Variants in ADCK5 observed in about 807,000 individuals in gnomAD.
ADCK5 encodes the protein uncharacterized aarF domain-containing protein kinase 5.
In ADCK5, 43 loss-of-function variants were observed where a neutral mutation model predicts 64.9. The ratio of observed to expected loss-of-function variants is 0.66; its 90% CI spans 0.52 to 0.85. ADCK5 has a LOEUF of 0.85. Among genes scored for constraint, ADCK5 ranks in the 40% least tolerant of loss-of-function variants. The probability of loss-of-function intolerance (pLI) is 0.00; values close to 1 mark genes in which losing one functional copy is unlikely to be tolerated. For missense variants in ADCK5, 760 were observed against 810.5 expected (o/e 0.94, Z 0.76); for synonymous variants, 434 against 342.8 (o/e 1.27, Z -2.94).
At chr8:144,390,094 G>A (rs902259413) in intron 3 of ADCK5, among the ~76,000 whole-genome samples, 39 of 152,054 alleles carry the variant, frequency 2.6e-4, no homozygotes, top group African/African-American at 9.4e-4. Flanking sequence ...GCCTCCCAAA[G>A]TGCTGGGATT....
intron 2 of ADCK5, among the ~76,000 whole-genome samples, chr8:144,380,203 C>A (rs1168093358): frequency 3.3e-5 from 5 of 152,168 alleles, no homozygotes; most frequent in African/African-American, 1.2e-4. Flanking sequence ...CAGATGTGTG[C>A]TCAGGCACCT....
At chr8:144,375,376 G>A in intron 1 of ADCK5, 1 of 856,866 alleles carries the variant, frequency 1.2e-6, no homozygotes, top group African/African-American at 1.8e-5. Context: ...CTAACTTTGG[G>A]GACAATTATG....
chr8:144,377,784 C>T (rs142929071), intron 1 of ADCK5, among the ~76,000 whole-genome samples: 4 of 152,328 alleles, frequency 2.6e-5, no homozygotes, highest in Non-Finnish European at 4.4e-5. Flanking sequence ...CAGTGACCTA[C>T]GTAGGCCACT....
At chr8:144,389,568 T>C (rs1820108998) in intron 3 of ADCK5, among the ~76,000 whole-genome samples, 1 of 152,214 alleles carries the variant, frequency 6.6e-6, no homozygotes, top group Non-Finnish European at 1.5e-5. Context: ...GGAGTCTCGC[T>C]CTGTCGCCAG....
At chr8:144,390,620 C>T (rs1554860173) in intron 3 of ADCK5, 51 bp from the exon 4 acceptor site, 1 of 1,574,808 alleles carries the variant, frequency 6.3e-7, no homozygotes, top group South Asian at 1.1e-5. Context: ...GGACCAAGCA[C>T]CGGGGCCCCG....
intron 1 of ADCK5, 111 bp downstream of exon 1, chr8:144,374,218 C>T: frequency 1.9e-6 from 2 of 1,054,784 alleles, no homozygotes; most frequent in Non-Finnish European, 2.4e-6. Context: ...CTTTTTCCCT[C>T]TTTTTTTTTG....
At chr8:144,389,193 C>A (rs782306124) in intron 3 of ADCK5, 32 of 450,712 alleles carry the variant, frequency 7.1e-5, no homozygotes, top group Non-Finnish European at 1.3e-4. Flanking sequence ...CCCCAGGAGC[C>A]CAGTACCTGC....
intron 1 of ADCK5, chr8:144,375,683 C>T (rs1819333946): frequency 1.0e-6 from 1 of 983,322 alleles, no homozygotes. Flanking sequence ...AGGTAGTCAG[C>T]TGTGGTCTAG....
rs1306504133 is a variant in ADCK5, at chr8:144,392,962, C to T, written c.1638-7C>T. On this transcript the variant is annotated splice_region_variant and splice_polypyrimidine_tract_variant and intron_variant, in intron 14 of 14. Coordinates refer to ENST00000308860, the MANE Select transcript of ADCK5 (RefSeq NM_174922.5). The stretch of plus-strand genomic sequence containing the variant: ...CCCACCTGTGACCTGTGACCTGACC[C>T]ACGCAGGCTGGAGACCTTGGCCATG... The T allele has an allele frequency of 1.9e-6, 3 of 1,587,250 alleles. No homozygotes were observed. Among genetic ancestry groups the T allele is most frequent in the Non-Finnish European group, 2.6e-6 (3 of 1,169,650 alleles).
chr8:144,382,338 G>A (rs1429848357), intron 2 of ADCK5, among the ~76,000 whole-genome samples: 3 of 152,256 alleles, frequency 2.0e-5, no homozygotes, highest in African/African-American at 7.2e-5. Context: ...CAGCGTTATG[G>A]GTTTCCTGCT....
rs1275459350 is a variant in ADCK5 at position 144,381,600 on chromosome 8, A to G, written c.117-1481A>G. ...GATTATGGGCCGGGTGCAGAAACAG[A>G]TGTGTGCTCAGGCACCTCCCGCAGT... On this transcript the variant is annotated intron_variant, in intron 2 of 14. Transcript: ENST00000308860. Among the ~76,000 whole-genome samples the G allele has an allele frequency of 2.8e-5, 4 of 145,286 alleles. No homozygotes were observed. The East Asian group carries it at 6.4e-4, about 23-fold the overall frequency.
At position 144,391,560 on chromosome 8, in the gene ADCK5, A is replaced by C; in HGVS notation, c.799-20A>C. The stretch of plus-strand genomic sequence containing the variant: ...CAGCTGGTAGGCAGAGCTGGTCTTC[A>C]ACCGCCATCTGGCCCCCAGGACCTG... On this transcript the variant is annotated intron_variant, in intron 7 of 14. Coordinates refer to ENST00000308860, the MANE Select transcript of ADCK5 (RefSeq NM_174922.5). The C allele has an allele frequency of 6.3e-7, 1 of 1,583,770 alleles. No individual in the cohort carries two copies. Among genetic ancestry groups the C allele is most frequent in the Non-Finnish European group, 8.5e-7 (1 of 1,170,236 alleles).
At chr8:144,375,421 G>T in intron 1 of ADCK5, 1 of 968,792 alleles carries the variant, frequency 1.0e-6, no homozygotes, top group South Asian at 4.8e-5. Flanking sequence ...GGTGCACAGT[G>T]CTGTTGGGTT....
At chr8:144,377,085 G>A (rs979427775) in intron 1 of ADCK5, among the ~76,000 whole-genome samples, 7 of 152,366 alleles carry the variant, frequency 4.6e-5, no homozygotes, top group Middle Eastern at 6.8e-3. Context: ...CCATGTTAGC[G>A]TCTGTGCCAC....
chr8:144,379,471 G>T lies in ADCK5; in HGVS notation c.97G>T (p.Val33Phe). 1 of 1,605,324 alleles carries T rather than the reference G, an allele frequency of 6.2e-7. No individual in the cohort carries two copies. ...PSPAVFFRRN[V>F]RGLPPRFSSP... ...CCCTGCTGTGTTCTTCAGGAGAAAC[G>T]TCAGGGGCCTTCCTCCAAGGTAACG... is the stretch of plus-strand genomic sequence containing the variant. The change falls in exon 2 of 15, where the codon GTC (valine) becomes TTC (phenylalanine). Residue 33 changes from valine (V) to phenylalanine (F), a missense_variant. Around this residue, in one of 2 missense-constraint regions of ADCK5, gnomAD observed 427 missense variants for 518.4 expected, o/e 0.82. Transcript: ENST00000308860.
rs781890231 is a variant in ADCK5, at chr8:144,392,261, G to A, written c.1183G>A (p.Ala395Thr). 4.6e-6 allele frequency: 7 copies of A among 1,530,566 alleles called. 1 individual carries two copies. The highest frequency in any genetic ancestry group is 3.6e-5 in the South Asian group (3 of 83,554). The allele number at this position is 1,530,566 out of a possible 1,614,324, so 94.8% of individuals were successfully genotyped here. A position where few individuals can be genotyped will look rare whatever the true frequency, so the allele number is the denominator to read the frequency against. Residue 395 changes from alanine (A) to threonine (T), a missense_variant, in exon 12 of 15, where the codon GCA becomes ACA. Coordinates refer to ENST00000308860, the MANE Select transcript of ADCK5 (RefSeq NM_174922.5). ...LYQFLEEKDR[A>T]ALCQLWRAII... ...GGGCCCATCCACACCCAGGGACCGC[G>A]CAGCCCTCTGCCAGCTGTGGCGGGC...
rs1819373979 is a variant in ADCK5, at chr8:144,376,546, G to GAGCAGAAAA, written c.12+2440_12+2448dup. Among the ~76,000 whole-genome samples the GAGCAGAAAA allele has an allele frequency of 1.3e-5, 2 of 152,236 alleles. No homozygotes were observed. The highest frequency in any genetic ancestry group is 4.8e-5 in the African/African-American group (2 of 41,464). The stretch of plus-strand genomic sequence containing the variant: ...TCTGCAATGCTGGTTCCTGAGGAAA[G>GAGCAGAAAA]AGCAGAAAACTGTTGTTGGAGACAG... On this transcript the variant is annotated intron_variant, in intron 1 of 14. Coordinates refer to ENST00000308860, the MANE Select transcript of ADCK5 (RefSeq NM_174922.5). This position sits in a 1 kb window ranked among gnomAD's most constrained non-coding sequence, Gnocchi z 5.1.
Position 144,379,443 on chromosome 8 carries a change from G to A in ADCK5, c.69G>A (p.Pro23=), listed in dbSNP as rs782789464. 3.4e-5 allele frequency: 55 copies of A among 1,609,328 alleles called. No homozygotes were observed. The highest frequency in any genetic ancestry group is 4.4e-5 in the Non-Finnish European group (52 of 1,177,462). ...TGCACAGCAGGCAGAAGCCCTGGCC[G>A]TCCCCTGCTGTGTTCTTCAGGAGAA... The part of the protein sequence containing the change: ...ALLHSRQKPW[P]SPAVFFRRNV... The change falls in exon 2 of 15, where the codon CCG becomes CCA. Residue 23 remains proline (P), a synonymous_variant. Transcript: ENST00000308860.
At position 144,392,652 on chromosome 8, in the gene ADCK5, T is replaced by C; in HGVS notation, c.1475T>C (p.Val492Ala). The C allele has an allele frequency of 6.3e-7, 1 of 1,594,868 alleles. No individual in the cohort carries two copies. The change falls in exon 13 of 15, where the codon GTG (valine) becomes GCG (alanine). Residue 492 changes from valine to alanine, a missense_variant. Around this residue, in one of 2 missense-constraint regions of ADCK5, gnomAD observed 333 missense variants for 292.0 expected, o/e 1.14. Coordinates refer to ENST00000308860, the MANE Select transcript of ADCK5 (RefSeq NM_174922.5). Reference protein sequence around the residue: ...RNINTVRAINVALGAPVDRYF... With the variant: ...RNINTVRAINAALGAPVDRYF... ...ATCAACACCGTGCGCGCTATCAACG[T>C]GGCCCTCGGCGCCCCCGTGGACCGC...
Sources: gnomAD v4.1 joint callset for allele counts (sites outside exome capture counted in the v4.1 genomes callset) on GRCh38, gnomAD v4.1.1 for gene constraint, gnomAD v4.1.1 regional missense constraint, Gnocchi (gnomAD v3.1) non-coding constraint, MANE v1.5 for transcripts, NCBI Gene and HGNC (gene_info 2026-07-23, HGNC 2026-07-21) for gene names.